The following MKLN1 variants were observed in gnomAD, a reference collection of about 807,000 sequenced individuals.
MKLN1 encodes the protein muskelin 1.
In MKLN1, 18 loss-of-function variants were observed where a neutral mutation model predicts 99.0. The ratio of observed to expected loss-of-function variants is 0.18; its 90% confidence interval spans 0.13 to 0.27. MKLN1 has a LOEUF of 0.27. Among genes scored for constraint, MKLN1 ranks in the 10% least tolerant of loss-of-function variants. The pLI, the probability that MKLN1 is intolerant of heterozygous loss-of-function variation, is 1.00. For synonymous variants in MKLN1, 288 were observed against 293.2 expected, an observed-to-expected ratio of 0.98 and a Z score of 0.18; for missense variants, 621 against 875.9, an observed-to-expected ratio of 0.71 and a Z score of 3.67.
At position 131,263,346 on chromosome 7, in the gene MKLN1, T is replaced by TAATAA. The variant is rs1554544033; in HGVS notation, c.-179+60372_-179+60373insAATAA. Reference sequence around the variant, plus strand: ...TAGTGAGACCTCATCTCTACAATTATTAATAATAATAATAATAATAATAAT... The same window carrying TAATAA: ...TAGTGAGACCTCATCTCTACAATTATAATAATAATAATAATAATAATAATAATAAT... On this transcript the variant is annotated intron_variant, in intron 3 of 7. Transcript: ENST00000416992. 4.2e-3 allele frequency among the ~76,000 whole-genome samples: 533 copies of TAATAA among 128,126 alleles called. 2 individuals are homozygous for TAATAA. The highest frequency in any genetic ancestry group is 0.014 in the African/African-American group (488 of 35,980). 84.1% of individuals were successfully genotyped at this position (128,126 alleles called of 152,430 possible). A position where few individuals can be genotyped will look rare whatever the true frequency, so the allele number is the denominator to read the frequency against.
intron 1 of MKLN1, among the ~76,000 whole-genome samples, chr7:131,357,422 A>G (rs1200545040): frequency 6.6e-6 from 1 of 152,098 alleles, no homozygotes; most frequent in Non-Finnish European, 1.5e-5. Context: ...CCTTTTGCAT[A>G]CTGTACTTTG....
chr7:131,223,955 T>TG (rs1471753393), intron 3 of MKLN1, among the ~76,000 whole-genome samples: 1 of 151,982 alleles, frequency 6.6e-6, no homozygotes. Flanking sequence ...TTAATAGAGA[T>TG]GGGTTTCACC....
At chr7:131,472,717 G>A (rs1025796094) in intron 16 of MKLN1, among the ~76,000 whole-genome samples, 4 of 152,010 alleles carry the variant, frequency 2.6e-5, no homozygotes, top group South Asian at 2.1e-4. Context: ...TTGGGAGGCC[G>A]AGGCGGGCGG....
At chr7:131,388,384 A>G (rs1794093590) in intron 3 of MKLN1, among the ~76,000 whole-genome samples, 1 of 152,258 alleles carries the variant, frequency 6.6e-6, no homozygotes, top group Admixed American at 6.5e-5. Context: ...TATTTAGGAT[A>G]AAGCAGATGC....
At chr7:131,157,595 C>T (rs748104687) in intron 2 of MKLN1, among the ~76,000 whole-genome samples, 4 of 152,108 alleles carry the variant, frequency 2.6e-5, no homozygotes, top group Non-Finnish European at 4.4e-5. Context: ...CAGCTATGGT[C>T]ATCATTATTA....
chr7:131,454,924 G>C (rs1796290694), intron 12 of MKLN1, among the ~76,000 whole-genome samples: 1 of 152,236 alleles, frequency 6.6e-6, no homozygotes, highest in Non-Finnish European at 1.5e-5. Flanking sequence ...CTAGCACCAT[G>C]ATTTGGTTGA....
intron 1 of MKLN1, among the ~76,000 whole-genome samples, chr7:131,132,572 C>T (rs1195804000): frequency 6.6e-6 from 1 of 152,116 alleles, no homozygotes; most frequent in Non-Finnish European, 1.5e-5. Context: ...TCTTCTTATA[C>T]TTGTGTGGCT....
At chr7:131,472,667 T>C (rs990362544) in intron 16 of MKLN1, among the ~76,000 whole-genome samples, 3 of 152,016 alleles carry the variant, frequency 2.0e-5, no homozygotes, top group African/African-American at 7.2e-5. Flanking sequence ...AACAATGCCC[T>C]TGGCTGGGCG....
rs901671901 is a variant in MKLN1 at position 131,343,239 on chromosome 7, A to G, written c.98+15242A>G. On this transcript the variant is annotated intron_variant, in intron 1 of 17. Coordinates refer to ENST00000352689, the MANE Select transcript of MKLN1 (RefSeq NM_013255.5). ...TGTGCATATTCATCAGCTCCAATTT[A>G]GGAGATTGACTAGTGTAGCACGTCA... 5.9e-5 allele frequency among the ~76,000 whole-genome samples: 9 copies of G among 152,218 alleles called. 1 individual carries two copies. The highest frequency in any genetic ancestry group is 5.2e-4 in the Admixed American group (8 of 15,280).
At chr7:131,114,546 AC>A (rs1211757827) in intron 1 of MKLN1, among the ~76,000 whole-genome samples, 2 of 152,218 alleles carry the variant, frequency 1.3e-5, no homozygotes, top group East Asian at 3.8e-4. Context: ...AAGAAAAAAT[AC>A]AGGGGAAAAA....
chr7:131,451,800 A>G (rs1796186788), intron 12 of MKLN1, among the ~76,000 whole-genome samples: 2 of 152,208 alleles, frequency 1.3e-5, no homozygotes, highest in Non-Finnish European at 2.9e-5. Flanking sequence ...GATTCCCCAT[A>G]TGTAAGCTCT....
At chr7:131,188,116 T>A (rs1401246298) in intron 2 of MKLN1, among the ~76,000 whole-genome samples, 1 of 152,110 alleles carries the variant, frequency 6.6e-6, no homozygotes, top group Non-Finnish European at 1.5e-5. Flanking sequence ...AAATTCACCA[T>A]TAAGGAGAGA....
At chr7:131,411,273 G>T in intron 6 of MKLN1, 33 bp from the exon 7 acceptor site, 3 of 1,313,154 alleles carry the variant, frequency 2.3e-6, no homozygotes, top group Non-Finnish European at 3.3e-6. Context: ...AGTAGTTAAG[G>T]TGTAATTCTT....
chr7:131,455,145 T>C (rs1377046060), intron 12 of MKLN1, among the ~76,000 whole-genome samples: 1 of 152,236 alleles, frequency 6.6e-6, no homozygotes, highest in Non-Finnish European at 1.5e-5. Flanking sequence ...GTAATGAATA[T>C]GTGCATTGGA....
At chr7:131,476,571 GTC>G (rs1318766016) in intron 16 of MKLN1, among the ~76,000 whole-genome samples, 1 of 152,178 alleles carries the variant, frequency 6.6e-6, no homozygotes, top group Admixed American at 6.5e-5. Flanking sequence ...GGTAGAATGA[GTC>G]TGTTGTAAGA....
intron 2 of MKLN1, among the ~76,000 whole-genome samples, chr7:131,187,692 G>A (rs748784642): frequency 2.2e-4 from 33 of 152,142 alleles, no homozygotes; most frequent in Non-Finnish European, 3.7e-4. Context: ...ACTTTGGGAC[G>A]CTGAGATGGA....
intron 1 of MKLN1, among the ~76,000 whole-genome samples, chr7:131,333,305 G>A (rs1325879319): frequency 2.0e-5 from 3 of 152,036 alleles, no homozygotes; most frequent in African/African-American, 7.2e-5. Context: ...CAGCTCCTGG[G>A]CTCAAGTGAT....
intron 3 of MKLN1, among the ~76,000 whole-genome samples, chr7:131,318,927 A>C (rs1293696095): frequency 6.6e-6 from 1 of 152,242 alleles, no homozygotes; most frequent in African/African-American, 2.4e-5. Flanking sequence ...GACCAATAAC[A>C]GGCTCTGAAA....
intron 8 of MKLN1, among the ~76,000 whole-genome samples, chr7:131,424,020 T>C (rs1328769370): frequency 6.6e-6 from 1 of 152,172 alleles, no homozygotes; most frequent in African/African-American, 2.4e-5. Flanking sequence ...TTCAAGGGGA[T>C]GGCTTAAGAA....
Sources: gnomAD v4.1 joint callset for allele counts (sites outside exome capture counted in the v4.1 genomes callset) on GRCh38, gnomAD v4.1.1 for gene constraint, MANE v1.5 for transcripts, NCBI Gene and HGNC (gene_info 2026-07-23, HGNC 2026-07-21) for gene names.